The following SPATA17 variants were observed in gnomAD, a reference collection of about 807,000 sequenced individuals.
The protein encoded by SPATA17 is spermatogenesis-associated protein 17.
SPATA17 carries 53 observed loss-of-function variants against 62.2 expected under a neutral mutation model. The ratio of observed to expected loss-of-function variants is 0.85; its 90% CI spans 0.68 to 1.07. The LOEUF (loss-of-function observed/expected upper bound fraction) is 1.07, where lower values mean the gene tolerates loss of function less well. Among genes scored for constraint, SPATA17 ranks in the 50% least tolerant of loss-of-function variants. SPATA17 has a pLI of 0.00. For synonymous variants in SPATA17, 146 were observed against 146.8 expected (o/e 0.99, Z 0.04); for missense variants, 466 against 425.5 (o/e 1.10, Z -0.84).
intron 5 of SPATA17, among the ~76,000 whole-genome samples, chr1:217,706,909 C>T (rs1221066647): frequency 6.6e-6 from 1 of 151,562 alleles, no homozygotes; most frequent in African/African-American, 2.4e-5. Context: ...CTCTTTCACC[C>T]AGGCTGGAGT....
intron 3 of SPATA17, among the ~76,000 whole-genome samples, chr1:217,666,391 C>T (rs1415050548): frequency 6.6e-6 from 1 of 151,852 alleles, no homozygotes; most frequent in Non-Finnish European, 1.5e-5. Flanking sequence ...TCAAGTAACC[C>T]AAAGGGTTAG....
chr1:217,631,638 G>T (rs897686478), intron 1 of SPATA17, among the ~76,000 whole-genome samples, 192 bp downstream of exon 1: 2 of 152,134 alleles, frequency 1.3e-5, no homozygotes, highest in African/African-American at 4.8e-5. Flanking sequence ...AATAGAGAGG[G>T]GCCGTAGATA....
At chr1:217,753,153 G>A (rs978439815) in intron 6 of SPATA17, among the ~76,000 whole-genome samples, 5 of 152,066 alleles carry the variant, frequency 3.3e-5, no homozygotes, top group East Asian at 1.9e-4. Context: ...GCATGACCAC[G>A]TGAACAAATT....
chr1:217,672,742 T>C (rs1571721487), intron 4 of SPATA17, among the ~76,000 whole-genome samples: 1 of 152,262 alleles, frequency 6.6e-6, no homozygotes, highest in East Asian at 1.9e-4. Context: ...GACTTTATGA[T>C]CCCCCTACCC....
intron 1 of SPATA17, among the ~76,000 whole-genome samples, chr1:217,636,879 C>T (rs973562398): frequency 4.6e-5 from 7 of 152,132 alleles, no homozygotes; most frequent in African/African-American, 1.7e-4. Context: ...AAGTAAATAA[C>T]ACTTAAAAAT....
Position 217,782,312 on chromosome 1 carries a change from A to G in SPATA17, c.862A>G (p.Asn288Asp). The G allele has an allele frequency of 6.2e-7, 1 of 1,608,638 alleles. No individual in the cohort carries two copies. The highest frequency in any genetic ancestry group is 1.1e-5 in the South Asian group (1 of 90,162). Residue 288 changes from asparagine (N) to aspartate (D), a missense_variant, in exon 8 of 11, where the codon AAT becomes GAT. Transcript: ENST00000366933. ...LRREEWLQNVNDNMFLPFSSY... is the reference protein window; with the variant it reads ...LRREEWLQNVDDNMFLPFSSY... ...AAGAGAGGAATGGCTGCAAAATGTA[A>G]ATGACAATATGTGAGTTCTTAGCTT...
At chr1:217,842,433 G>A (rs1324882384) in intron 9 of SPATA17, among the ~76,000 whole-genome samples, 1 of 151,900 alleles carries the variant, frequency 6.6e-6, no homozygotes, top group Non-Finnish European at 1.5e-5. Flanking sequence ...CTATTGAGTT[G>A]TGGTGTATTC....
At chr1:217,799,252 G>A (rs1246299627) in intron 8 of SPATA17, among the ~76,000 whole-genome samples, 1 of 152,144 alleles carries the variant, frequency 6.6e-6, no homozygotes, top group African/African-American at 2.4e-5. Flanking sequence ...TGAAAGTAGA[G>A]TTAATTCACG....
chr1:217,668,594 G>A (rs1047794789), intron 3 of SPATA17, among the ~76,000 whole-genome samples: 1 of 152,158 alleles, frequency 6.6e-6, no homozygotes, highest in African/African-American at 2.4e-5. Context: ...GATTTCAACT[G>A]AAGACAGCAT....
intron 3 of SPATA17, chr1:217,665,321 A>G (rs1670672106): frequency 6.6e-6 from 1 of 152,222 alleles, no homozygotes; most frequent in Non-Finnish European, 1.5e-5. Context: ...CAATCAGCCC[A>G]ATTAGGATGC....
intron 5 of SPATA17, among the ~76,000 whole-genome samples, chr1:217,709,638 C>T (rs928329488): frequency 2.0e-5 from 3 of 152,162 alleles, no homozygotes; most frequent in African/African-American, 4.8e-5. Flanking sequence ...AAATTGGCCC[C>T]TCCCACACTC....
At chr1:217,642,281 G>T (rs1257675276) in intron 1 of SPATA17, among the ~76,000 whole-genome samples, 2 of 152,036 alleles carry the variant, frequency 1.3e-5, no homozygotes, top group Non-Finnish European at 2.9e-5. Flanking sequence ...AACTATGTAT[G>T]TATCCTATTC....
intron 5 of SPATA17, among the ~76,000 whole-genome samples, chr1:217,711,027 C>T (rs1008556370): frequency 6.6e-6 from 1 of 152,158 alleles, no homozygotes; most frequent in African/African-American, 2.4e-5. Flanking sequence ...AACATTTCAT[C>T]GTATGAATAA....
chr1:217,747,236 C>G (rs1355232193), intron 6 of SPATA17, among the ~76,000 whole-genome samples: 1 of 152,108 alleles, frequency 6.6e-6, no homozygotes, highest in Non-Finnish European at 1.5e-5. Flanking sequence ...ACTAGTCAAA[C>G]TAAATCTAAC....
chr1:217,834,847 G>A (rs1351127633), intron 9 of SPATA17, among the ~76,000 whole-genome samples: 1 of 152,082 alleles, frequency 6.6e-6, no homozygotes, highest in African/African-American at 2.4e-5. Context: ...CTCACTCAGA[G>A]CAACTTCCAG....
intron 8 of SPATA17, among the ~76,000 whole-genome samples, chr1:217,800,127 G>A (rs922012391): frequency 2.6e-5 from 4 of 151,864 alleles, no homozygotes; most frequent in Admixed American, 6.6e-5. Context: ...CTTCTTCCAC[G>A]TTGATTATTT....
intron 5 of SPATA17, among the ~76,000 whole-genome samples, chr1:217,687,504 A>T (rs1442084498): frequency 5.3e-5 from 8 of 152,212 alleles, no homozygotes; most frequent in African/African-American, 1.7e-4. Flanking sequence ...CTGTAAGATT[A>T]TAATACTATA....
At chr1:217,789,999 T>C (rs1673961297) in intron 8 of SPATA17, among the ~76,000 whole-genome samples, 1 of 151,816 alleles carries the variant, frequency 6.6e-6, no homozygotes, top group African/African-American at 2.4e-5. Flanking sequence ...ATCGCACCAC[T>C]GCAACTCCAG....
At chr1:217,761,248 CT>C (rs1306000319) in intron 6 of SPATA17, among the ~76,000 whole-genome samples, 1 of 152,124 alleles carries the variant, frequency 6.6e-6, no homozygotes, top group African/African-American at 2.4e-5. Context: ...TCTTCTCAGT[CT>C]TCTTCAGTAA....
Sources: gnomAD v4.1 joint callset for allele counts (sites outside exome capture counted in the v4.1 genomes callset) on GRCh38, gnomAD v4.1.1 for gene constraint, MANE v1.5 for transcripts, NCBI Gene and HGNC (gene_info 2026-07-23, HGNC 2026-07-21) for gene names.